LINGO1: variants seen among roughly 807,000 people sequenced by gnomAD.
The protein encoded by LINGO1 is leucine rich repeat and Ig domain containing 1, also known as leucine-rich repeat and immunoglobulin-like domain-containing nogo receptor-interacting protein 1.
Under a neutral mutation model 37.3 loss-of-function variants are expected in LINGO1, and 11 were observed. The ratio of observed to expected loss-of-function variants is 0.29; its 90% CI spans 0.19 to 0.49. The LOEUF (loss-of-function observed/expected upper bound fraction) is 0.49. Among genes scored for constraint, LINGO1 ranks in the 20% least tolerant of loss-of-function variants. The pLI is 0.99. For synonymous variants in LINGO1, 387 were observed against 403.0 expected, an observed-to-expected ratio of 0.96 and a Z score of 0.48; for missense variants, 585 against 878.2, an observed-to-expected ratio of 0.67 and a Z score of 4.22.
chr15:77,705,204 C>CACACACACACACACACA (rs1332650126), intron 2 of LINGO1, among the ~76,000 whole-genome samples: 7 of 150,312 alleles, frequency 4.7e-5, no homozygotes, highest in African/African-American at 1.7e-4. Flanking sequence ...CACACACACA[C>CACACACACACACACACA]ACCAGTCCAC....
At chr15:77,645,753 C>G (rs1348545196) in intron 3 of LINGO1, among the ~76,000 whole-genome samples, 1 of 152,254 alleles carries the variant, frequency 6.6e-6, no homozygotes, top group Non-Finnish European at 1.5e-5. Flanking sequence ...GTGGCCTTTC[C>G]TGAAGCCAGC....
intron 1 of LINGO1, among the ~76,000 whole-genome samples, chr15:77,796,734 C>CA: frequency 6.7e-6 from 1 of 148,822 alleles, no homozygotes; most frequent in South Asian, 2.1e-4. Context: ...TTTAAAGAGG[C>CA]AGAGTCTTGC....
chr15:77,741,598 C>T (rs1430550206), intron 1 of LINGO1, among the ~76,000 whole-genome samples: 5 of 152,202 alleles, frequency 3.3e-5, no homozygotes, highest in African/African-American at 1.2e-4. Flanking sequence ...ACAGACTATG[C>T]TGTGGCCAGC....
intron 3 of LINGO1, among the ~76,000 whole-genome samples, chr15:77,660,855 C>G (rs961568920): frequency 2.0e-5 from 3 of 152,152 alleles, no homozygotes; most frequent in African/African-American, 7.2e-5. Context: ...GCACAGGCCT[C>G]TTCCCAAGAC....
chr15:77,743,198 G>A (rs962916419), intron 1 of LINGO1, among the ~76,000 whole-genome samples: 1 of 152,200 alleles, frequency 6.6e-6, no homozygotes, highest in African/African-American at 2.4e-5. Context: ...CTGAGGAGTC[G>A]TAGGCAGCAC....
intron 2 of LINGO1, among the ~76,000 whole-genome samples, chr15:77,684,635 G>C (rs1438423060): frequency 6.6e-6 from 1 of 152,232 alleles, no homozygotes; most frequent in Non-Finnish European, 1.5e-5. Flanking sequence ...ACTAAATTAG[G>C]CTCCCCGGGG....
intron 1 of LINGO1, among the ~76,000 whole-genome samples, chr15:77,753,114 G>T (rs1326853088): frequency 6.6e-6 from 1 of 152,188 alleles, no homozygotes; most frequent in Non-Finnish European, 1.5e-5. Context: ...TTGTTTCATG[G>T]GTCCCGCGTG....
chr15:77,668,371 G>A (rs960527665), intron 3 of LINGO1, among the ~76,000 whole-genome samples: 2 of 152,162 alleles, frequency 1.3e-5, no homozygotes, highest in African/African-American at 4.8e-5. Context: ...TGTGTAGTTG[G>A]TCTGGTGTCT....
chr15:77,803,444 CCAAA>C (rs1441931371), intron 1 of LINGO1, among the ~76,000 whole-genome samples: 2 of 151,486 alleles, frequency 1.3e-5, no homozygotes, highest in Non-Finnish European at 2.9e-5. Flanking sequence ...GACCCCATCT[CCAAA>C]CAAACAGACA....
chr15:77,799,628 TTCTC>T (rs1226769149), intron 1 of LINGO1, among the ~76,000 whole-genome samples: 2 of 152,158 alleles, frequency 1.3e-5, no homozygotes, highest in African/African-American at 4.8e-5. Context: ...TCCTTGCCCT[TTCTC>T]TCTCTCTTTC....
chr15:77,751,953 A>G (rs755022532), intron 1 of LINGO1, among the ~76,000 whole-genome samples: 24 of 152,224 alleles, frequency 1.6e-4, no homozygotes, highest in South Asian at 1.4e-3. Flanking sequence ...CACCAAGCCC[A>G]GGAGCCGCCC....
intron 1 of LINGO1, among the ~76,000 whole-genome samples, chr15:77,621,507 T>C (rs1276780795): frequency 6.6e-6 from 1 of 152,176 alleles, no homozygotes; most frequent in Admixed American, 6.5e-5. Context: ...CTGTGTCTCC[T>C]AGTTGGGCTG....
intron 2 of LINGO1, chr15:77,707,582 G>A (rs1449976910): frequency 6.6e-6 from 1 of 152,268 alleles, no homozygotes; most frequent in Non-Finnish European, 1.5e-5. Flanking sequence ...GAAAAACCCT[G>A]GTCCCAGGAA....
rs1429042113 is a variant in LINGO1 at position 77,794,410 on chromosome 15, GTATATACATACGTATA to G, written c.-343+1513_-343+1528del. Among the ~76,000 whole-genome samples the G allele has an allele frequency of 1.9e-4, 8 of 41,908 alleles. 1 individual carries two copies. The highest frequency in any genetic ancestry group is 7.4e-4 in the African/African-American group (7 of 9,470). 27.5% of individuals were successfully genotyped at this position (41,908 alleles called of 152,430 possible). A position where few individuals can be genotyped will look rare whatever the true frequency, so the allele number is the denominator to read the frequency against. On this transcript the variant is annotated intron_variant, in intron 2 of 5. Transcript: ENST00000562933. Reference sequence around the variant, plus strand: ...TACATACATATATACGTATATATGTGTATATACATACGTATATGTATATACATACATATATACGTAT... The same window carrying G: ...TACATACATATATACGTATATATGTGTGTATATACATACATATATACGTAT...
intron 3 of LINGO1, among the ~76,000 whole-genome samples, chr15:77,655,880 C>T (rs757251825): frequency 6.6e-6 from 1 of 152,224 alleles, no homozygotes; most frequent in Non-Finnish European, 1.5e-5. Context: ...CATTGCTTGC[C>T]TCTGTGTAGT....
At chr15:77,618,233 G>A (rs190291645) in intron 1 of LINGO1, among the ~76,000 whole-genome samples, 101 of 152,338 alleles carry the variant, frequency 6.6e-4, no homozygotes, top group African/African-American at 2.3e-3. Context: ...GGGCCACCCC[G>A]AGGTGCTGGT....
intron 2 of LINGO1, chr15:77,707,571 G>A (rs1043263008): frequency 2.0e-5 from 3 of 152,262 alleles, no homozygotes; most frequent in Non-Finnish European, 4.4e-5. Flanking sequence ...AACAGGTCAG[G>A]GAAAAACCCT....
chr15:77,712,574 C>T (rs1452244049), intron 2 of LINGO1, among the ~76,000 whole-genome samples: 1 of 152,160 alleles, frequency 6.6e-6, no homozygotes, highest in Non-Finnish European at 1.5e-5. Context: ...TCCAGCACTG[C>T]CCAGCAGTCC....
At chr15:77,641,325 G>C (rs2074500411) in intron 3 of LINGO1, among the ~76,000 whole-genome samples, 1 of 152,248 alleles carries the variant, frequency 6.6e-6, no homozygotes, top group African/African-American at 2.4e-5. Context: ...GAGATTAAGA[G>C]CAGGGGAGTT....
Sources: gnomAD v4.1 joint callset for allele counts (sites outside exome capture counted in the v4.1 genomes callset) on GRCh38, gnomAD v4.1.1 for gene constraint, MANE v1.5 for transcripts, NCBI Gene and HGNC (gene_info 2026-07-23, HGNC 2026-07-21) for gene names.